CDK14: variants seen among roughly 807,000 people sequenced by gnomAD.
CDK14 encodes the protein cyclin dependent kinase 14, also known as cyclin-dependent kinase 14.
CDK14 carries 34 observed loss-of-function variants against 60.7 expected under a neutral mutation model. The observed-to-expected ratio is 0.56, with a 90% CI of 0.43 to 0.75. CDK14 has a LOEUF of 0.75. Ranked by LOEUF, CDK14 falls within the 30% of genes least tolerant of loss-of-function variation. The pLI is 0.00. For missense variants in CDK14, 482 were observed against 564.1 expected (o/e 0.85, Z 1.47); for synonymous variants, 197 against 203.7 (o/e 0.97, Z 0.28).
chr7:91,079,417 T>G lies in CDK14; in HGVS notation c.1106-15T>G, dbSNP rs1273624959. 1 of 1,540,082 alleles carries G rather than the reference T, an allele frequency of 6.5e-7. No individual in the cohort carries two copies. The highest frequency in any genetic ancestry group is 8.9e-7 in the Non-Finnish European group (1 of 1,125,572). On this transcript the variant is annotated splice_polypyrimidine_tract_variant and intron_variant, in intron 11 of 14. Coordinates refer to ENST00000380050, the MANE Select transcript of CDK14 (RefSeq NM_001287135.2). The stretch of plus-strand genomic sequence containing the variant: ...TGATACAAAGATTGTTTATCATTTT[T>G]CTTTTTTATTTCAGAACGCTTTACC...
chr7:90,789,266 A>G (rs990605548), intron 4 of CDK14, among the ~76,000 whole-genome samples: 6 of 152,172 alleles, frequency 3.9e-5, no homozygotes, highest in Admixed American at 3.3e-4. Flanking sequence ...GTTTTCTATG[A>G]ATTTATGTCA....
chr7:90,733,624 A>T (rs535568816), intron 3 of CDK14, among the ~76,000 whole-genome samples: 1 of 151,752 alleles, frequency 6.6e-6, no homozygotes, highest in East Asian at 1.9e-4. Flanking sequence ...TGTTTTATCG[A>T]GTGCAACCCT....
intron 11 of CDK14, among the ~76,000 whole-genome samples, chr7:91,058,045 A>T (rs1797644254): frequency 6.6e-6 from 1 of 151,842 alleles, no homozygotes; most frequent in African/African-American, 2.4e-5. Flanking sequence ...TGAGCATGGA[A>T]TGTTCTTCCA....
At chr7:90,989,741 C>G (rs1795478904) in intron 10 of CDK14, among the ~76,000 whole-genome samples, 1 of 152,146 alleles carries the variant, frequency 6.6e-6, no homozygotes, top group Non-Finnish European at 1.5e-5. Flanking sequence ...CCCACTACCC[C>G]CAGCAAGCCA....
chr7:90,711,788 A>T (rs909003099), intron 2 of CDK14, among the ~76,000 whole-genome samples: 1 of 151,972 alleles, frequency 6.6e-6, no homozygotes, highest in Non-Finnish European at 1.5e-5. Context: ...CTTTTAAAAA[A>T]GCATTTTTTG....
At chr7:90,763,807 A>G (rs887252382) in intron 4 of CDK14, among the ~76,000 whole-genome samples, 6 of 152,226 alleles carry the variant, frequency 3.9e-5, no homozygotes, top group Admixed American at 6.5e-5. Flanking sequence ...TAGAACTTAA[A>G]GTATACATTT....
intron 2 of CDK14, among the ~76,000 whole-genome samples, chr7:90,607,434 A>C (rs1334371493): frequency 6.6e-6 from 1 of 152,168 alleles, no homozygotes; most frequent in African/African-American, 2.4e-5. Flanking sequence ...GTTTGGTAAC[A>C]ACTCCCTGAT....
Position 90,877,089 on chromosome 7 carries a change from C to T in CDK14, c.639+13820C>T, listed in dbSNP as rs3802036. Among the ~76,000 whole-genome samples the T allele has an allele frequency of 8.1e-4, 123 of 152,162 alleles. 2 individuals carry two copies. The East Asian group carries it at 0.017, about 22-fold the overall frequency. ...ATTTGTTATGATTTTGAGATGTTGA[C>T]ACATGTATAGATACATATTCATACA... On this transcript the variant is annotated intron_variant, in intron 6 of 14. Transcript: ENST00000380050.
intron 6 of CDK14, among the ~76,000 whole-genome samples, chr7:90,882,829 C>T (rs1791808155): frequency 6.6e-6 from 1 of 152,192 alleles, no homozygotes; most frequent in Non-Finnish European, 1.5e-5. Flanking sequence ...GAACAACCTG[C>T]TGCTGAATGA....
At chr7:90,649,235 A>AGTTTCTTTCTTTCTTTCTTTCTTTCTTT (rs1800534867) in intron 2 of CDK14, among the ~76,000 whole-genome samples, 1 of 118,806 alleles carries the variant, frequency 8.4e-6, no homozygotes, top group South Asian at 3.0e-4. Context: ...TCTAGCCTAT[A>AGTTTCTTTCTTTCTTTCTTTCTTTCTTT]GTTTCTTTCT....
At chr7:91,017,952 A>G (rs2115856453) in intron 10 of CDK14, among the ~76,000 whole-genome samples, 1 of 152,314 alleles carries the variant, frequency 6.6e-6, no homozygotes, top group East Asian at 1.9e-4. Flanking sequence ...TCTACTGTGC[A>G]TCAGACAGAG....
chr7:91,081,183 C>A lies in CDK14; in HGVS notation c.1154+1703C>A, dbSNP rs1204799644. ...AGCCTCTAGCCAATTCAAACCAAGG[C>A]AATTTAAAGAGAACTAAGATGCAGA... On this transcript the variant is annotated intron_variant, in intron 12 of 14. Coordinates refer to ENST00000380050, the MANE Select transcript of CDK14 (RefSeq NM_001287135.2). Among the ~76,000 whole-genome samples the A allele has an allele frequency of 2.0e-5, 3 of 152,136 alleles. No homozygotes were observed. In the East Asian group the frequency reaches 5.8e-4, roughly 29 times the overall value.
intron 5 of CDK14, among the ~76,000 whole-genome samples, chr7:90,796,901 C>CAG (rs951550122): frequency 6.6e-6 from 1 of 151,820 alleles, no homozygotes. Flanking sequence ...TGAGTGAAAA[C>CAG]AGAGTCAGTT....
intron 2 of CDK14, among the ~76,000 whole-genome samples, chr7:90,653,934 T>TG (rs1420065479): frequency 6.6e-6 from 1 of 152,200 alleles, no homozygotes; most frequent in Admixed American, 6.5e-5. Flanking sequence ...TTTCTGTCCT[T>TG]GCGATAGTTT....
At chr7:91,147,162 TCACACACACA>T (rs71107808) in intron 14 of CDK14, among the ~76,000 whole-genome samples, 1,937 of 124,724 alleles carry the variant, frequency 0.016, 56 homozygotes, top group African/African-American at 0.059. Context: ...TCTCTCTCTC[TCACACACACA>T]CACACACACA....
At chr7:90,724,309 C>CT (rs1286217799) in intron 2 of CDK14, among the ~76,000 whole-genome samples, 2 of 151,382 alleles carry the variant, frequency 1.3e-5, no homozygotes, top group Non-Finnish European at 3.0e-5. Context: ...ATATTTTCTA[C>CT]TTTTTTTTCC....
intron 4 of CDK14, among the ~76,000 whole-genome samples, chr7:90,789,944 A>AC (rs1805757970): frequency 6.6e-6 from 1 of 152,080 alleles, no homozygotes; most frequent in African/African-American, 2.4e-5. Flanking sequence ...GTCTGGAAGG[A>AC]CCATCTGCTT....
chr7:90,620,328 G>A (rs1365179126), intron 2 of CDK14, among the ~76,000 whole-genome samples: 1 of 152,052 alleles, frequency 6.6e-6, no homozygotes, highest in Non-Finnish European at 1.5e-5. Context: ...TTTATTTTTG[G>A]TGGATCGATT....
intron 9 of CDK14, among the ~76,000 whole-genome samples, chr7:90,975,087 G>A (rs1292628805): frequency 2.0e-5 from 3 of 152,120 alleles, no homozygotes; most frequent in Non-Finnish European, 4.4e-5. Context: ...GGAGAGCACA[G>A]AGTTAGGGGA....
Sources: allele counts gnomAD v4.1 joint callset (sites outside exome capture counted in the v4.1 genomes callset), GRCh38; gene constraint gnomAD v4.1.1; transcripts MANE v1.5; gene names NCBI Gene and HGNC (gene_info 2026-07-23, HGNC 2026-07-21).